ARHGAP12: variants seen among roughly 807,000 people sequenced by gnomAD.
The protein encoded by ARHGAP12 is Rho GTPase activating protein 12.
In ARHGAP12, 64 loss-of-function variants were observed where a neutral mutation model predicts 108.6. The observed-to-expected ratio is 0.59, with a 90% CI of 0.48 to 0.73. ARHGAP12 has a LOEUF of 0.73. Ranked by LOEUF, ARHGAP12 falls within the 30% of genes least tolerant of loss-of-function variation. ARHGAP12 has a pLI of 0.00. For missense variants in ARHGAP12, 940 were observed against 1,005.9 expected, an observed-to-expected ratio of 0.93 and a Z score of 0.89; for synonymous variants, 312 against 337.2, an observed-to-expected ratio of 0.93 and a Z score of 0.82.
rs1355023860 is a variant in ARHGAP12 at position 31,908,102 on chromosome 10, T to TA, written c.684+69_684+70insT. On this transcript the variant is annotated intron_variant, in intron 3 of 19. Transcript: ENST00000344936. ...ACAAGTCTTAACTCTTACAAATATT[T>TA]CAATTAAAACTATAACTAATATTTT... 4 of 1,398,862 alleles carry TA rather than the reference T, an allele frequency of 2.9e-6. No homozygotes were observed. In the African/African-American group the frequency reaches 5.8e-5, roughly 20 times the overall value. 86.7% of individuals were successfully genotyped at this position (1,398,862 alleles called of 1,614,324 possible). A position where few individuals can be genotyped will look rare whatever the true frequency, so the allele number is the denominator to read the frequency against.
chr10:31,853,944 TAA>T (rs1836791442), intron 5 of ARHGAP12, 120 bp downstream of exon 5: 1 of 1,056,942 alleles, frequency 9.5e-7, no homozygotes, highest in Non-Finnish European at 1.3e-6. Flanking sequence ...GGCATGATTA[TAA>T]AGTTACAATG....
rs554439181 is a variant in ARHGAP12 at position 31,874,482 on chromosome 10, T to A, written c.685-12824A>T. Among the ~76,000 whole-genome samples the A allele has an allele frequency of 4.8e-4, 73 of 152,228 alleles. 1 individual carries two copies. Among genetic ancestry groups the A allele is most frequent in the Middle Eastern group, 3.4e-3 (1 of 294 alleles). ...TCTATTTTATTAAGTCCAAACTGAG[T>A]GTGTAATTACAAGTTTTAAAGCATT... On this transcript the variant is annotated intron_variant, in intron 3 of 19. Transcript: ENST00000344936.
At chr10:31,926,126 A>G (rs1352676978) in intron 1 of ARHGAP12, among the ~76,000 whole-genome samples, 2 of 152,184 alleles carry the variant, frequency 1.3e-5, no homozygotes, top group Non-Finnish European at 2.9e-5. Flanking sequence ...ATTCCTATGC[A>G]CGTTAAAATT....
Position 31,805,900 on chromosome 10 carries a change from C to T in ARHGAP12, c.*1758G>A, listed in dbSNP as rs1834809124. 6.6e-6 allele frequency: 1 copy of T among 152,124 alleles called. No individual in the cohort carries two copies. Among genetic ancestry groups the T allele is most frequent in the Non-Finnish European group, 1.5e-5 (1 of 68,008 alleles). 9.4% of individuals were successfully genotyped at this position (152,124 alleles called of 1,614,324 possible). ...TTTTCTCCCCACCCGAAACAATCTGCTTTAGCTATCAAGTAGTTTGGTTTG... is the reference window on the plus strand; with the variant it reads ...TTTTCTCCCCACCCGAAACAATCTGTTTTAGCTATCAAGTAGTTTGGTTTG... On this transcript the variant is annotated 3_prime_UTR_variant, in exon 20 of 20. Transcript: ENST00000344936.
chr10:31,814,175 A>G (rs751194068), intron 14 of ARHGAP12, 84 bp downstream of exon 14: 12 of 1,078,014 alleles, frequency 1.1e-5, no homozygotes, highest in Non-Finnish European at 1.7e-5. Context: ...CATTCCATTC[A>G]GCTTTTATAT....
chr10:31,899,650 TG>T (rs1426284695), intron 3 of ARHGAP12, among the ~76,000 whole-genome samples: 1 of 152,132 alleles, frequency 6.6e-6, no homozygotes, highest in African/African-American at 2.4e-5. Flanking sequence ...CAACAAATGG[TG>T]GTGAAACAAT....
chr10:31,810,863 G>T, intron 15 of ARHGAP12, 116 bp from the exon 16 acceptor site: 2 of 742,320 alleles, frequency 2.7e-6, no homozygotes, highest in Non-Finnish European at 4.6e-6. Context: ...TGTTTAACAT[G>T]GCCCTATGCC....
At position 31,908,572 on chromosome 10, in the gene ARHGAP12, A is replaced by G. The variant is rs745562678; in HGVS notation, c.284T>C (p.Met95Thr). 7 of 1,614,204 alleles carry G rather than the reference A, an allele frequency of 4.3e-6. No homozygotes were observed. The South Asian group carries it at 6.6e-5, about 15-fold the overall frequency. The change falls in exon 3 of 20, where the codon ATG (methionine) becomes ACG (threonine). Residue 95 changes from methionine to threonine, a missense_variant. Physicochemically the swap from Met to Thr is moderately conservative, Grantham distance 81. Transcript: ENST00000344936. ...TGATCTCTGAAGATGCAAACTCTGCATTATTTTCGTGGAGTTATTTGGCAG... is the reference window on the plus strand; with the variant it reads ...TGATCTCTGAAGATGCAAACTCTGCGTTATTTTCGTGGAGTTATTTGGCAG... ...AGLPNNSTKIMQSLHLQRSTE... is the reference protein window; with the variant it reads ...AGLPNNSTKITQSLHLQRSTE...
intron 1 of ARHGAP12, among the ~76,000 whole-genome samples, chr10:31,915,698 T>TA (rs1248118034): frequency 6.6e-6 from 1 of 152,012 alleles, no homozygotes; most frequent in Non-Finnish European, 1.5e-5. Context: ...TTGTACATAA[T>TA]AAAAAACATA....
chr10:31,896,185 A>G (rs1838684264), intron 3 of ARHGAP12, among the ~76,000 whole-genome samples: 1 of 151,978 alleles, frequency 6.6e-6, no homozygotes, highest in Non-Finnish European at 1.5e-5. Context: ...CCATGTATAC[A>G]TATGTAACAA....
chr10:31,878,269 A>C (rs1837809879), intron 3 of ARHGAP12, among the ~76,000 whole-genome samples: 1 of 152,206 alleles, frequency 6.6e-6, no homozygotes, highest in Non-Finnish European at 1.5e-5. Flanking sequence ...GATATCCTGA[A>C]TGAGGTTGTA....
At chr10:31,821,332 A>T (rs2132170657) in intron 11 of ARHGAP12, among the ~76,000 whole-genome samples, 2 of 152,282 alleles carry the variant, frequency 1.3e-5, no homozygotes, top group South Asian at 4.1e-4. Flanking sequence ...GTAGTAGAAA[A>T]TTTATGTTAA....
intron 3 of ARHGAP12, among the ~76,000 whole-genome samples, chr10:31,868,763 G>T (rs1837428320): frequency 6.6e-6 from 1 of 151,796 alleles, no homozygotes; most frequent in African/African-American, 2.4e-5. Flanking sequence ...CCGAGACCCT[G>T]TCTCTATAAA....
intron 3 of ARHGAP12, among the ~76,000 whole-genome samples, chr10:31,896,625 A>G (rs1838709663): frequency 6.6e-6 from 1 of 152,136 alleles, no homozygotes; most frequent in Non-Finnish European, 1.5e-5. Context: ...ATGAGGGGGA[A>G]AAAAAGGGCT....
intron 7 of ARHGAP12, among the ~76,000 whole-genome samples, chr10:31,842,126 C>T (rs1384484858): frequency 4.0e-5 from 6 of 150,654 alleles, no homozygotes; most frequent in South Asian, 2.1e-4. Context: ...TTTATGATGT[C>T]GAAAAAAAGA....
intron 6 of ARHGAP12, among the ~76,000 whole-genome samples, chr10:31,844,255 G>A (rs1473471499): frequency 6.6e-6 from 1 of 152,036 alleles, no homozygotes; most frequent in Non-Finnish European, 1.5e-5. Context: ...TTTATAGTAG[G>A]CTTCTGAGTC....
chr10:31,885,862 A>C (rs1838170367), intron 3 of ARHGAP12, among the ~76,000 whole-genome samples: 2 of 152,074 alleles, frequency 1.3e-5, no homozygotes, highest in African/African-American at 4.8e-5. Flanking sequence ...AAACAAACAA[A>C]TACACAGTTA....
intron 6 of ARHGAP12, among the ~76,000 whole-genome samples, chr10:31,845,540 T>C (rs1836425465): frequency 6.6e-6 from 1 of 152,132 alleles, no homozygotes; most frequent in South Asian, 2.1e-4. Context: ...ATCCCAACAC[T>C]TTGGGAGGCT....
At chr10:31,838,279 A>G (rs1415080704) in intron 9 of ARHGAP12, among the ~76,000 whole-genome samples, 1 of 152,136 alleles carries the variant, frequency 6.6e-6, no homozygotes, top group Non-Finnish European at 1.5e-5. Flanking sequence ...GTGTGGTAGG[A>G]CAACAAGCAA....
Sources: allele counts gnomAD v4.1 joint callset (sites outside exome capture counted in the v4.1 genomes callset), GRCh38; gene constraint gnomAD v4.1.1; transcripts MANE v1.5; gene names NCBI Gene and HGNC (gene_info 2026-07-23, HGNC 2026-07-21).